The following HMGCS2 variants were observed in gnomAD, a reference collection of about 807,000 sequenced individuals.
The protein encoded by HMGCS2 is hydroxymethylglutaryl-CoA synthase, mitochondrial.
In HMGCS2, 50 loss-of-function variants were observed where a neutral mutation model predicts 57.4. The ratio of observed to expected loss-of-function variants is 0.87; its 90% confidence interval spans 0.69 to 1.10. HMGCS2 has a LOEUF of 1.10. Among genes scored for constraint, HMGCS2 ranks in the 50% least tolerant of loss-of-function variants. HMGCS2 has a pLI of 0.00. For synonymous variants in HMGCS2, 254 were observed against 245.1 expected, an observed-to-expected ratio of 1.04 and a Z score of -0.34; for missense variants, 627 against 636.5, an observed-to-expected ratio of 0.99 and a Z score of 0.16.
Position 119,759,134 on chromosome 1 carries a change from C to A in HMGCS2, c.834G>T (p.Gln278His). 1 of 1,614,192 alleles carries A rather than the reference C, an allele frequency of 6.2e-7. No homozygotes were observed. The highest frequency in any genetic ancestry group is 2.2e-5 in the East Asian group (1 of 44,886). ...ATCTCATACCTTGCTTCCACTGATTCTGGATTTTTTTACGGTATGATGTGT... is the reference window on the plus strand; with the variant it reads ...ATCTCATACCTTGCTTCCACTGATTATGGATTTTTTTACGGTATGATGTGT... ...RCYTSYRKKI[Q>H]NQWKQAGSDR... Residue 278 changes from glutamine to histidine, a missense_variant, in exon 4 of 10, where the codon CAG (glutamine) becomes CAT (histidine). Coordinates refer to ENST00000369406, the MANE Select transcript of HMGCS2 (RefSeq NM_005518.4).
chr1:119,762,816 C>T (rs1653091769), intron 2 of HMGCS2, among the ~76,000 whole-genome samples: 1 of 152,194 alleles, frequency 6.6e-6, no homozygotes, highest in Non-Finnish European at 1.5e-5. Context: ...GATGCATTTG[C>T]AACCCCATCT....
Position 119,752,641 on chromosome 1 carries a change from G to A in HMGCS2, c.1328C>T (p.Ser443Leu), listed in dbSNP as rs1210167963. The A allele has an allele frequency of 6.2e-7, 1 of 1,614,032 alleles. No individual in the cohort carries two copies. Among genetic ancestry groups the A allele is most frequent in the Non-Finnish European group, 8.5e-7 (1 of 1,180,024 alleles). Residue 443 changes from serine to leucine, a missense_variant, in exon 8 of 10, where the codon TCA becomes TTA. Transcript: ENST00000369406. ...GGAGGCTAGGCGTTTTGGCAGGTCT[G>A]ATGTGCTGGACACCAACTTGTCCAG... ...SPLDKLVSSTSDLPKRLASRK... is the reference protein window; with the variant it reads ...SPLDKLVSSTLDLPKRLASRK...
At chr1:119,762,630 C>T (rs1653086648) in intron 2 of HMGCS2, among the ~76,000 whole-genome samples, 1 of 152,170 alleles carries the variant, frequency 6.6e-6, no homozygotes, top group South Asian at 2.1e-4. Context: ...GCAGAGTTCT[C>T]ATTCACACTG....
At chr1:119,759,743 C>T in intron 3 of HMGCS2, 121 bp downstream of exon 3, 1 of 1,239,156 alleles carries the variant, frequency 8.1e-7, no homozygotes, top group African/African-American at 1.5e-5. Context: ...TTTTTAGAGG[C>T]AAGCAATACC....
rs756362495 is a variant in HMGCS2, at chr1:119,752,554, T to C, written c.1415A>G (p.His472Arg). 6.2e-7 allele frequency: 1 copy of C among 1,614,002 alleles called. No individual in the cohort carries two copies. The highest frequency in any genetic ancestry group is 1.1e-5 in the South Asian group (1 of 91,076). Residue 472 changes from histidine to arginine, a missense_variant, in exon 8 of 10, where the codon CAT becomes CGT. Coordinates refer to ENST00000369406, the MANE Select transcript of HMGCS2 (RefSeq NM_005518.4). ...EIMNQREQFY[H>R]KVNFSPPGDT... ...CTTCCTGACTTTTTTCTTACCCTTA[T>C]GGTAGAATTGCTCTCTTTGGTTCAT... is the stretch of plus-strand genomic sequence containing the variant.
intron 9 of HMGCS2, among the ~76,000 whole-genome samples, chr1:119,750,214 A>G (rs1289751210): frequency 6.6e-6 from 1 of 152,218 alleles, no homozygotes; most frequent in Non-Finnish European, 1.5e-5. Flanking sequence ...TTCCTTATGA[A>G]TCTGTCTCCC....
intron 6 of HMGCS2, among the ~76,000 whole-genome samples, chr1:119,754,498 C>A (rs1218795084): frequency 2.0e-5 from 3 of 152,144 alleles, no homozygotes; most frequent in African/African-American, 4.8e-5. Context: ...ACTTCATGAG[C>A]CCTTTCTTAT....
chr1:119,755,401 G>A (rs768051926), intron 6 of HMGCS2, 26 bp downstream of exon 6: 3 of 1,610,992 alleles, frequency 1.9e-6, no homozygotes, highest in Middle Eastern at 3.5e-4. Context: ...GTGCATGGAG[G>A]ACATGGAGCC....
In HMGCS2 at chr1:119,764,275, T is replaced by C; in HGVS notation, c.456A>G (p.Ser152=). ...KTVLMELFQD[S]GNTDIEGIDT... is the part of the protein sequence containing the mutation. Reference sequence around the variant, plus strand: ...CTATGCCCTCAATATCAGTATTGCCTGAATCCTGGAAGAGTTCCATGAGCA... The same window carrying C: ...CTATGCCCTCAATATCAGTATTGCCCGAATCCTGGAAGAGTTCCATGAGCA... Residue 152 remains serine (S), a synonymous_variant, in exon 2 of 10, where the codon TCA becomes TCG. Coordinates refer to ENST00000369406, the MANE Select transcript of HMGCS2 (RefSeq NM_005518.4). 2 of 1,614,212 alleles carry C rather than the reference T, an allele frequency of 1.2e-6. No homozygotes were observed. Among genetic ancestry groups the C allele is most frequent in the Non-Finnish European group, 1.7e-6 (2 of 1,180,028 alleles).
chr1:119,752,182 G>C (rs1301406867), intron 8 of HMGCS2, among the ~76,000 whole-genome samples: 1 of 152,216 alleles, frequency 6.6e-6, no homozygotes, highest in East Asian at 1.9e-4. Context: ...AAGATAAACA[G>C]CTAGTGAGTG....
intron 9 of HMGCS2, among the ~76,000 whole-genome samples, chr1:119,749,449 A>G (rs1235721038): frequency 6.9e-6 from 1 of 145,696 alleles, no homozygotes; most frequent in Non-Finnish European, 1.5e-5. Flanking sequence ...AAGTTGACAC[A>G]TTTAACAGCC....
chr1:119,768,912 T>C (rs587720678), upstream of HMGCS2: 3 of 1,129,116 alleles, frequency 2.7e-6, no homozygotes, highest in East Asian at 4.9e-5. Context: ...AGATGCCCAG[T>C]GGTGCCCGGC....
In HMGCS2 at chr1:119,764,585, G is replaced by A. The variant is rs756404916; in HGVS notation, c.146C>T (p.Thr49Ile). ...CAGGATGCCCACGTCCTTTGGCCAA[G>A]TATCTGTTTTGGCCAGGGGGACAGC... ...ASAVPLAKTD[T>I]WPKDVGILAL... Residue 49 changes from threonine (T) to isoleucine (I), a missense_variant, in exon 2 of 10, where the codon ACT becomes ATT. Physicochemically the swap from Thr to Ile is moderately conservative, Grantham distance 89 (BLOSUM62 -1). Transcript: ENST00000369406. The A allele has an allele frequency of 8.6e-5, 139 of 1,614,082 alleles. No homozygotes were observed. Among genetic ancestry groups the A allele is most frequent in the Non-Finnish European group, 1.1e-4 (132 of 1,180,038 alleles).
chr1:119,754,931 G>A (rs1056648719), intron 6 of HMGCS2, among the ~76,000 whole-genome samples: 1 of 152,214 alleles, frequency 6.6e-6, no homozygotes, highest in Non-Finnish European at 1.5e-5. Context: ...GATACAGACT[G>A]TAAATCTGCC....
In HMGCS2 at chr1:119,759,955, G is replaced by A. The variant is rs1195712336; in HGVS notation, c.594C>T (p.Ala198=). Residue 198 remains alanine (A), a synonymous_variant, in exon 3 of 10, where the codon GCC becomes GCT. Transcript: ENST00000369406. Reference sequence around the variant, plus strand: ...GACGAGCATTACCACTGGGATAGACGGCAATGTCTCCACAGACCACCATGG... The same window carrying A: ...GACGAGCATTACCACTGGGATAGACAGCAATGTCTCCACAGACCACCATGG... ...RYAMVVCGDI[A]VYPSGNARPT... is the part of the protein sequence containing the mutation. The A allele has an allele frequency of 1.3e-5, 21 of 1,613,920 alleles. No individual in the cohort carries two copies. Among genetic ancestry groups the A allele is most frequent in the Admixed American group, 1.7e-5 (1 of 60,022 alleles).
At chr1:119,764,707 AAT>A in intron 1 of HMGCS2, 81 bp from the exon 2 acceptor site, 2 of 1,040,292 alleles carry the variant, frequency 1.9e-6, no homozygotes, top group Non-Finnish European at 2.9e-6. Context: ...GCAATCATTT[AAT>A]TAATTTTCTA....
chr1:119,759,138 AT>A lies in HMGCS2; in HGVS notation c.829del (p.Ile277SerfsTer22), dbSNP rs1557991740. The A allele has an allele frequency of 1.9e-6, 3 of 1,614,064 alleles. No individual in the cohort carries two copies. Among genetic ancestry groups the A allele is most frequent in the African/African-American group, 1.3e-5 (1 of 74,990 alleles). On this transcript the variant is annotated frameshift_variant, in exon 4 of 10. Coordinates refer to ENST00000369406, the MANE Select transcript of HMGCS2 (RefSeq NM_005518.4). LOFTEE classifies it high-confidence loss of function. Reference protein sequence around the residue: ...DRCYTSYRKKIQNQWKQAGSD... With the variant: ...DRCYTSYRKKXQNQWKQAGSD... ...CATACCTTGCTTCCACTGATTCTGG[AT>A]TTTTTTACGGTATGATGTGTAACAT...
intron 2 of HMGCS2, among the ~76,000 whole-genome samples, chr1:119,761,808 T>TA (rs946799591): frequency 4.0e-5 from 6 of 151,696 alleles, no homozygotes; most frequent in Non-Finnish European, 5.9e-5. Flanking sequence ...AGCTATATAA[T>TA]AAAAAAAGGC....
At chr1:119,755,373 G>A (rs1652798461) in intron 6 of HMGCS2, 54 bp downstream of exon 6, 4 of 1,546,682 alleles carry the variant, frequency 2.6e-6, no homozygotes, top group Non-Finnish European at 3.6e-6. Context: ...GCAGCCCACG[G>A]GGGCGGAGGC....
Sources: allele counts gnomAD v4.1 joint callset (sites outside exome capture counted in the v4.1 genomes callset), GRCh38; gene constraint gnomAD v4.1.1; transcripts MANE v1.5; gene names NCBI Gene and HGNC (gene_info 2026-07-23, HGNC 2026-07-21).